Variants in CT45A1 observed in about 807,000 individuals in gnomAD.
CT45A1 encodes cancer/testis antigen 45-1.
upstream of CT45A1, chrX:135,710,395 C>A (rs529017997): frequency 8.9e-6 from 1 of 112,284 alleles, no homozygotes; most frequent in South Asian, 3.8e-4. Flanking sequence ...AAAAGCAATG[C>A]AAGTGGGAAG....
At chrX:135,708,930 G>A (rs1309002373), upstream of CT45A1, among the ~76,000 whole-genome samples, 1 of 110,883 alleles carries the variant, frequency 9.0e-6, no homozygotes, top group Non-Finnish European at 1.9e-5. Context: ...GAGAAAGGTG[G>A]TCATGGTCCC....
upstream of CT45A1, among the ~76,000 whole-genome samples, chrX:135,712,179 C>CTTTTTTTTTT (rs782572662): frequency 6.2e-5 from 3 of 48,423 alleles, no homozygotes; most frequent in African/African-American, 8.7e-5. Context: ...TTTTTTCTTT[C>CTTTTTTTTTT]TTTTTTTTTT....
At chrX:135,712,969 C>CT (rs1556570101), upstream of CT45A1, among the ~76,000 whole-genome samples, 841 of 49,023 alleles carry the variant, frequency 0.017, 3 homozygotes, top group East Asian at 0.051. Flanking sequence ...TTCTTTCTTT[C>CT]TTTCTTTTCT....
intron 1 of CT45A1, 43 bp downstream of exon 1, chrX:135,713,733 T>G (rs2087954295): frequency 2.8e-6 from 2 of 717,380 alleles, no homozygotes; most frequent in Middle Eastern, 1.6e-3. Flanking sequence ...TTTCCCTGGA[T>G]GCTTTAATTT....
At chrX:135,710,472 A>G (rs1229354091), upstream of CT45A1, 2 of 112,280 alleles carry the variant, frequency 1.8e-5, no homozygotes, top group Non-Finnish European at 3.8e-5. Flanking sequence ...TTACAATAGA[A>G]GTGATCTATT....
At chrX:135,713,921 C>T (rs1376584563) in intron 1 of CT45A1, among the ~76,000 whole-genome samples, 2 of 104,386 alleles carry the variant, frequency 1.9e-5, no homozygotes, top group African/African-American at 3.5e-5. Flanking sequence ...TGTTGTGAGG[C>T]CGGGGGGCTT....
upstream of CT45A1, among the ~76,000 whole-genome samples, chrX:135,712,177 TTC>T (rs1556569764): frequency 3.1e-5 from 2 of 64,818 alleles, no homozygotes; most frequent in Non-Finnish European, 5.6e-5. Flanking sequence ...CTTTTTTTCT[TTC>T]TTTTTTTTTT....
chrX:135,718,583 T>C (rs2088012487), intron 1 of CT45A1, among the ~76,000 whole-genome samples: 1 of 110,750 alleles, frequency 9.0e-6, no homozygotes, highest in Admixed American at 9.7e-5. Flanking sequence ...TTAATACAGA[T>C]TGGTTTATAC....
chrX:135,715,301 TA>T (rs1232337627), intron 1 of CT45A1, among the ~76,000 whole-genome samples: 1 of 73,087 alleles, frequency 1.4e-5, no homozygotes, highest in Non-Finnish European at 2.6e-5. Flanking sequence ...ATAATACTTA[TA>T]TATACAATAC....
intron 1 of CT45A1, among the ~76,000 whole-genome samples, chrX:135,716,765 G>A (rs1603084065): frequency 9.0e-6 from 1 of 111,449 alleles, no homozygotes; most frequent in African/African-American, 3.3e-5. Context: ...AGTATCTTAA[G>A]TGTTTACTAG....
At chrX:135,711,184 A>AT (rs1295483866), upstream of CT45A1, among the ~76,000 whole-genome samples, 2 of 111,722 alleles carry the variant, frequency 1.8e-5, no homozygotes, top group Admixed American at 9.5e-5. Flanking sequence ...CTGTGGTGGG[A>AT]TTTTTTTAAT....
At chrX:135,714,446 C>T (rs1432051780) in intron 1 of CT45A1, among the ~76,000 whole-genome samples, 1 of 109,117 alleles carries the variant, frequency 9.2e-6, no homozygotes, top group African/African-American at 3.3e-5. Flanking sequence ...GCCACGTGAC[C>T]TTGGGAACTC....
chrX:135,717,202 G>A (rs192437076), intron 1 of CT45A1, among the ~76,000 whole-genome samples: 2 of 111,653 alleles, frequency 1.8e-5, no homozygotes, highest in South Asian at 3.7e-4. Flanking sequence ...AAATATGATT[G>A]CTAGGATCAT....
upstream of CT45A1, among the ~76,000 whole-genome samples, chrX:135,710,709 G>A (rs781939130): frequency 1.8e-5 from 2 of 112,284 alleles, no homozygotes; most frequent in Non-Finnish European, 3.8e-5. Context: ...GGGGAAAGAG[G>A]CTAATTAATA....
chrX:135,711,807 G>A (rs1220389980), upstream of CT45A1, among the ~76,000 whole-genome samples: 8 of 111,847 alleles, frequency 7.2e-5, no homozygotes, highest in East Asian at 5.5e-4. Flanking sequence ...TGGGCGGGGC[G>A]TGGTGGCTCA....
chrX:135,711,174 C>G (rs1265137722), upstream of CT45A1, among the ~76,000 whole-genome samples: 1 of 111,732 alleles, frequency 8.9e-6, no homozygotes, highest in Non-Finnish European at 1.9e-5. Context: ...ATGAGTACTG[C>G]TGTGGTGGGA....
chrX:135,718,052 A>G (rs2088003072), intron 1 of CT45A1, among the ~76,000 whole-genome samples: 2 of 112,073 alleles, frequency 1.8e-5, no homozygotes, highest in Non-Finnish European at 3.8e-5. Flanking sequence ...TTTTGTACAT[A>G]TGCTAACCAG....
intron 1 of CT45A1, among the ~76,000 whole-genome samples, chrX:135,718,040 T>A (rs181042687): frequency 8.9e-6 from 1 of 112,039 alleles, no homozygotes; most frequent in African/African-American, 3.2e-5. Flanking sequence ...CATTTAAAAA[T>A]TTTTTGTACA....
intron 1 of CT45A1, among the ~76,000 whole-genome samples, chrX:135,716,889 A>G (rs781943334): frequency 2.0e-4 from 22 of 111,468 alleles, no homozygotes; most frequent in Non-Finnish European, 3.6e-4. Flanking sequence ...CTTTTCCACA[A>G]TGATTTACAA....
Sources: allele counts gnomAD v4.1 joint callset (sites outside exome capture counted in the v4.1 genomes callset), GRCh38; gene constraint gnomAD v4.1.1; transcripts MANE v1.5; gene names NCBI Gene and HGNC (gene_info 2026-07-23, HGNC 2026-07-21).